PCDHA7: variants seen among roughly 807,000 people sequenced by gnomAD.
PCDHA7 encodes protocadherin alpha-7.
Under a neutral mutation model 57.2 loss-of-function variants are expected in PCDHA7, and 37 were observed. The observed-to-expected ratio is 0.65, with a 90% CI of 0.50 to 0.85. The LOEUF (loss-of-function observed/expected upper bound fraction) is 0.85. Ranked by LOEUF, PCDHA7 falls within the 40% of genes least tolerant of loss-of-function variation. The pLI is 0.00. For synonymous variants in PCDHA7, 553 were observed against 558.8 expected (o/e 0.99, Z 0.15); for missense variants, 1,188 against 1,241.8 (o/e 0.96, Z 0.65).
At chr5:140,857,407 G>A (rs372428918) in intron 1 of PCDHA7, 10 of 1,598,382 alleles carry the variant, frequency 6.3e-6, no homozygotes, top group Non-Finnish European at 8.6e-6. Flanking sequence ...ACGCGCCTGC[G>A]TTCGCGCAGT....
At chr5:140,941,167 A>G (rs1352007891) in intron 1 of PCDHA7, among the ~76,000 whole-genome samples, 2 of 144,982 alleles carry the variant, frequency 1.4e-5, no homozygotes, top group Non-Finnish European at 3.1e-5. Flanking sequence ...AAGACTCCCC[A>G]TCTTGAACAT....
rs2096830970 is a variant in PCDHA7, at chr5:140,978,991, A to C, written c.2398A>C (p.Arg800=). Residue 800 remains arginine, a synonymous_variant, in exon 2 of 4, where the codon AGA becomes CGA. Coordinates refer to ENST00000525929, the MANE Select transcript of PCDHA7 (RefSeq NM_018910.3). ...TGACTGGCGTTACTCTGCCTCCCTG[A>C]GAGCAGGCATGCACAGGTATGTATT... ...NPDWRYSASL[R]AGMHSSVHLE... is the part of the protein sequence containing the mutation. 1.2e-6 allele frequency: 2 copies of C among 1,614,188 alleles called. No individual in the cohort carries two copies. Among genetic ancestry groups the C allele is most frequent in the East Asian group, 2.2e-5 (1 of 44,882 alleles).
chr5:140,920,821 C>T (rs1389717155), intron 1 of PCDHA7, among the ~76,000 whole-genome samples: 11 of 146,336 alleles, frequency 7.5e-5, no homozygotes, highest in South Asian at 2.1e-4. Flanking sequence ...TCCAGCCTGG[C>T]GACGGAGCAA....
chr5:140,971,165 G>C (rs1390176241), intron 1 of PCDHA7, among the ~76,000 whole-genome samples: 1 of 152,136 alleles, frequency 6.6e-6, no homozygotes, highest in Non-Finnish European at 1.5e-5. Context: ...GCTCAGCTTT[G>C]CCACCAGCTG....
Position 140,851,361 on chromosome 5 carries a change from A to G in PCDHA7, c.2355+14623A>G, listed in dbSNP as rs1342409970. The G allele has an allele frequency of 6.1e-6, 6 of 978,064 alleles. No individual in the cohort carries two copies. In the African/African-American group the frequency reaches 8.8e-5, roughly 14 times the overall value. The allele number at this position is 978,064 out of a possible 1,614,324, so 60.6% of individuals were successfully genotyped here. On this transcript the variant is annotated intron_variant, in intron 1 of 3. Coordinates refer to ENST00000525929, the MANE Select transcript of PCDHA7 (RefSeq NM_018910.3). Reference sequence around the variant, plus strand: ...ACATTTCTCTGGATGGAGACTGTGAACATCTGATTGTTCAGCAACCTTCAG... The same window carrying G: ...ACATTTCTCTGGATGGAGACTGTGAGCATCTGATTGTTCAGCAACCTTCAG...
rs2150351247 is a variant in PCDHA7, at chr5:140,843,055, C to T, written c.2355+6317C>T. The stretch of plus-strand genomic sequence containing the variant: ...TGGGTGGCACTGGTGGCGCAGCGAG[C>T]AAGCTGGTGCCGCGGTCTGTGGGCG... On this transcript the variant is annotated intron_variant, in intron 1 of 3. Coordinates refer to ENST00000525929, the MANE Select transcript of PCDHA7 (RefSeq NM_018910.3). 5 of 1,595,064 alleles carry T rather than the reference C, an allele frequency of 3.1e-6. 1 individual carries two copies. Among genetic ancestry groups the T allele is most frequent in the Non-Finnish European group, 4.3e-6 (5 of 1,165,218 alleles).
At chr5:140,872,960 C>T (rs953236645) in intron 1 of PCDHA7, among the ~76,000 whole-genome samples, 10 of 152,142 alleles carry the variant, frequency 6.6e-5, no homozygotes, top group African/African-American at 2.4e-4. Context: ...GTAGTATCAT[C>T]CCATCTGAAG....
chr5:140,877,195 G>A, intron 1 of PCDHA7: 2 of 1,613,838 alleles, frequency 1.2e-6, no homozygotes, highest in East Asian at 2.2e-5. Context: ...CAGCGCAGGA[G>A]GCGCAGTTAG....
chr5:140,986,777 G>A (rs1203790689), intron 3 of PCDHA7, among the ~76,000 whole-genome samples: 5 of 152,234 alleles, frequency 3.3e-5, no homozygotes, highest in Admixed American at 6.5e-5. Flanking sequence ...ATTAGGTAGC[G>A]GAAGCCACTA....
intron 1 of PCDHA7, chr5:140,881,499 C>A: frequency 3.8e-6 from 1 of 261,884 alleles, no homozygotes; most frequent in Non-Finnish European, 5.9e-6. Context: ...TGCACATACA[C>A]ACACTCACAT....
chr5:140,839,391 TG>T (rs1776205247), intron 1 of PCDHA7, among the ~76,000 whole-genome samples: 1 of 151,714 alleles, frequency 6.6e-6, no homozygotes, highest in African/African-American at 2.4e-5. Flanking sequence ...ATGATGATGA[TG>T]ATGATTATTA....
At chr5:141,004,677 A>T (rs971713487) in intron 3 of PCDHA7, among the ~76,000 whole-genome samples, 4 of 152,194 alleles carry the variant, frequency 2.6e-5, no homozygotes, top group African/African-American at 7.2e-5. Context: ...AGGACTGTGG[A>T]GTGGTGCTGA....
At chr5:140,842,235 G>T (rs201880118) in intron 1 of PCDHA7, 1 of 1,612,410 alleles carries the variant, frequency 6.2e-7, no homozygotes, top group Non-Finnish European at 8.5e-7. Context: ...ATAGTGATTC[G>T]GGGTAATTTG....
At chr5:140,906,540 A>T (rs1375015616) in intron 1 of PCDHA7, among the ~76,000 whole-genome samples, 4 of 152,232 alleles carry the variant, frequency 2.6e-5, no homozygotes, top group African/African-American at 9.6e-5. Context: ...TAAAATCCTC[A>T]TTTCTGCAAC....
chr5:140,901,599 A>C (rs1196199794), intron 1 of PCDHA7, among the ~76,000 whole-genome samples: 1 of 152,132 alleles, frequency 6.6e-6, no homozygotes, highest in Non-Finnish European at 1.5e-5. Flanking sequence ...TTTGGTTACT[A>C]TATCTCTATG....
At chr5:140,870,751 C>T in intron 1 of PCDHA7, 3 of 1,613,546 alleles carry the variant, frequency 1.9e-6, no homozygotes, top group Non-Finnish European at 2.5e-6. Context: ...CAACGTGACG[C>T]TGCAGGTGTT....
intron 1 of PCDHA7, among the ~76,000 whole-genome samples, chr5:140,964,979 G>A (rs1325298604): frequency 1.3e-5 from 2 of 152,204 alleles, no homozygotes; most frequent in African/African-American, 4.8e-5. Flanking sequence ...GGATGTGCTA[G>A]TTCAGGCCTT....
intron 1 of PCDHA7, among the ~76,000 whole-genome samples, chr5:140,881,757 A>T (rs1238055344): frequency 6.6e-6 from 1 of 152,166 alleles, no homozygotes; most frequent in African/African-American, 2.4e-5. Flanking sequence ...TACCACAAAA[A>T]CCTACATGAC....
intron 1 of PCDHA7, among the ~76,000 whole-genome samples, chr5:140,886,602 C>T (rs1167539535): frequency 6.6e-6 from 1 of 151,756 alleles, no homozygotes; most frequent in Non-Finnish European, 1.5e-5. Flanking sequence ...CCAAGGTGGG[C>T]GGATCAGGAG....
Sources: allele counts gnomAD v4.1 joint callset (sites outside exome capture counted in the v4.1 genomes callset), GRCh38; gene constraint gnomAD v4.1.1; transcripts MANE v1.5; gene names NCBI Gene and HGNC (gene_info 2026-07-23, HGNC 2026-07-21).